Variants in B4GALT5 observed in about 807,000 individuals in gnomAD.
The protein encoded by B4GALT5 is beta-1,4-galactosyltransferase 5, also known as UDP-Gal:beta-GlcNAc beta-1,4-galactosyltransferase 5.
A neutral mutation model predicts 45.0 loss-of-function variants in B4GALT5; 11 were observed. The observed-to-expected ratio is 0.24, with a 90% CI of 0.15 to 0.40. B4GALT5 has a LOEUF of 0.40. B4GALT5 is among the 10% of genes least tolerant of loss of function. The pLI is 1.00. For synonymous variants in B4GALT5, 185 were observed against 182.9 expected (o/e 1.01, Z -0.09); for missense variants, 337 against 500.2 (o/e 0.67, Z 3.11).
chr20:49,640,122 G>C (rs1455708726), intron 6 of B4GALT5, among the ~76,000 whole-genome samples: 4 of 152,042 alleles, frequency 2.6e-5, no homozygotes, highest in African/African-American at 9.7e-5. Context: ...GCACCCATTA[G>C]CAATCACCCC....
chr20:49,669,208 C>T (rs532664129), intron 1 of B4GALT5, among the ~76,000 whole-genome samples: 5 of 152,160 alleles, frequency 3.3e-5, no homozygotes, highest in Non-Finnish European at 7.4e-5. Context: ...GGTATCATCC[C>T]ACCCCCAAGA....
At position 49,713,761 on chromosome 20, in the gene B4GALT5, G is replaced by GGCC. The variant is rs987636391; in HGVS notation, c.-74_-72dup. Reference sequence around the variant, plus strand: ...GCAGCTCCCCGTCCGCCGCCTCCTGGGCCGCCGCCGCCACCGCCTGGGCCT... The same window carrying GGCC: ...GCAGCTCCCCGTCCGCCGCCTCCTGGGCCGCCGCCGCCGCCACCGCCTGGGCCT... On this transcript the variant is annotated 5_prime_UTR_variant, in exon 1 of 9. Transcript: ENST00000371711. 4.9e-6 allele frequency: 2 copies of GGCC among 410,728 alleles called. No homozygotes were observed. Among genetic ancestry groups the GGCC allele is most frequent in the Non-Finnish European group, 7.1e-6 (2 of 282,542 alleles). 25.4% of individuals were successfully genotyped at this position (410,728 alleles called of 1,614,324 possible). A position where few individuals can be genotyped will look rare whatever the true frequency, so the allele number is the denominator to read the frequency against.
intron 1 of B4GALT5, among the ~76,000 whole-genome samples, chr20:49,676,653 A>G (rs1400277085): frequency 1.3e-5 from 2 of 152,234 alleles, no homozygotes; most frequent in Admixed American, 1.3e-4. Context: ...TGAAGGCCCC[A>G]TGGTTCTAGG....
chr20:49,668,790 T>C (rs1293850392), intron 1 of B4GALT5, among the ~76,000 whole-genome samples: 1 of 152,016 alleles, frequency 6.6e-6, no homozygotes, highest in Non-Finnish European at 1.5e-5. Flanking sequence ...TGTCCCTGAA[T>C]TGCCTTGTGG....
At chr20:49,658,482 T>C (rs2085652267) in intron 1 of B4GALT5, among the ~76,000 whole-genome samples, 1 of 152,232 alleles carries the variant, frequency 6.6e-6, no homozygotes, top group Non-Finnish European at 1.5e-5. Flanking sequence ...ACCAGTTGTC[T>C]TATTGAAAAT....
chr20:49,669,553 G>T (rs138122133), intron 1 of B4GALT5, among the ~76,000 whole-genome samples: 1,961 of 152,056 alleles, frequency 0.013, 37 homozygotes, highest in African/African-American at 0.045. Context: ...AAAATCAGCC[G>T]AGCATGGTGG....
chr20:49,660,704 G>A (rs1332124902), intron 1 of B4GALT5, among the ~76,000 whole-genome samples: 4 of 152,136 alleles, frequency 2.6e-5, no homozygotes, highest in Non-Finnish European at 1.5e-5. Flanking sequence ...TCTTGTTACC[G>A]GTTGGGCGCA....
At chr20:49,643,876 CA>C (rs1202077468) in intron 3 of B4GALT5, among the ~76,000 whole-genome samples, 1 of 148,548 alleles carries the variant, frequency 6.7e-6, no homozygotes, top group Non-Finnish European at 1.5e-5. Flanking sequence ...CTGCTTCTGT[CA>C]GGGGCCAGGT....
chr20:49,670,921 G>A (rs1185398797), intron 1 of B4GALT5, among the ~76,000 whole-genome samples: 7 of 152,102 alleles, frequency 4.6e-5, no homozygotes, highest in Non-Finnish European at 1.0e-4. Context: ...AATAACAAAT[G>A]TGTTCAATAC....
intron 7 of B4GALT5, 30 bp downstream of exon 7, chr20:49,639,648 T>C (rs754623718): frequency 2.5e-6 from 4 of 1,611,422 alleles, no homozygotes; most frequent in Non-Finnish European, 3.4e-6. Flanking sequence ...GTAGCATTTC[T>C]AGAAGACACC....
At chr20:49,673,238 G>A (rs1382594047) in intron 1 of B4GALT5, among the ~76,000 whole-genome samples, 1 of 152,064 alleles carries the variant, frequency 6.6e-6, no homozygotes, top group African/African-American at 2.4e-5. Context: ...AAATTAGCTG[G>A]GCGTGGTGGT....
At chr20:49,647,572 C>T (rs934603901) in intron 2 of B4GALT5, among the ~76,000 whole-genome samples, 3 of 152,200 alleles carry the variant, frequency 2.0e-5, no homozygotes, top group East Asian at 1.9e-4. Flanking sequence ...AGTCTCCCAT[C>T]GGTCACATAT....
chr20:49,691,218 A>G (rs2085809810), intron 1 of B4GALT5, among the ~76,000 whole-genome samples: 1 of 152,174 alleles, frequency 6.6e-6, no homozygotes, highest in Non-Finnish European at 1.5e-5. Flanking sequence ...CACTGCTCCT[A>G]TATCAAGTAC....
intron 1 of B4GALT5, among the ~76,000 whole-genome samples, chr20:49,687,327 T>G (rs1210205354): frequency 2.0e-5 from 3 of 152,220 alleles, no homozygotes; most frequent in Non-Finnish European, 4.4e-5. Context: ...ACGTTAAGTT[T>G]ATATTTGCTG....
intron 1 of B4GALT5, among the ~76,000 whole-genome samples, chr20:49,700,324 A>G (rs770009883): frequency 2.0e-5 from 3 of 152,244 alleles, no homozygotes; most frequent in Admixed American, 6.5e-5. Context: ...AAAGTAATTA[A>G]GTAAAGTTAA....
intron 2 of B4GALT5, among the ~76,000 whole-genome samples, chr20:49,650,126 T>C (rs2085615505): frequency 6.6e-6 from 1 of 152,168 alleles, no homozygotes; most frequent in Non-Finnish European, 1.5e-5. Flanking sequence ...GATAAATTCC[T>C]TTCTACTTCC....
intron 7 of B4GALT5, among the ~76,000 whole-genome samples, chr20:49,639,213 T>G (rs2085565849): frequency 6.6e-6 from 1 of 152,210 alleles, no homozygotes; most frequent in African/African-American, 2.4e-5. Flanking sequence ...AAGAAAAAAT[T>G]GCTAAATTAT....
At chr20:49,703,069 C>G (rs1038549394) in intron 1 of B4GALT5, among the ~76,000 whole-genome samples, 3 of 146,270 alleles carry the variant, frequency 2.1e-5, no homozygotes, top group African/African-American at 7.6e-5. Context: ...AGCTACTCGA[C>G]AGTCTGAGGC....
At chr20:49,700,968 C>A (rs974419387) in intron 1 of B4GALT5, among the ~76,000 whole-genome samples, 13 of 152,278 alleles carry the variant, frequency 8.5e-5, no homozygotes, top group African/African-American at 3.1e-4. Context: ...ATGTTAACTC[C>A]AACTGAACAC....
Sources: gnomAD v4.1 joint callset for allele counts (sites outside exome capture counted in the v4.1 genomes callset) on GRCh38, gnomAD v4.1.1 for gene constraint, MANE v1.5 for transcripts, NCBI Gene and HGNC (gene_info 2026-07-23, HGNC 2026-07-21) for gene names.